Variants in CFAP74 observed in about 807,000 individuals in gnomAD.
CFAP74 encodes the protein cilia and flagella associated protein 74.
CFAP74 carries 124 observed loss-of-function variants against 188.9 expected under a neutral mutation model. The ratio of observed to expected loss-of-function variants is 0.66; its 90% CI spans 0.57 to 0.76. The LOEUF (loss-of-function observed/expected upper bound fraction) is 0.76. CFAP74 is among the 30% of genes least tolerant of loss of function. The pLI is 0.00. For synonymous variants in CFAP74, 956 were observed against 916.7 expected (o/e 1.04, Z -0.77); for missense variants, 2,198 against 2,165.2 (o/e 1.02, Z -0.30).
At chr1:1,945,309 T>C (rs1448859879) in intron 20 of CFAP74, among the ~76,000 whole-genome samples, 1 of 151,306 alleles carries the variant, frequency 6.6e-6, no homozygotes, top group East Asian at 1.9e-4. Context: ...CCTCAGGAGG[T>C]TAGAGAGTAT....
Position 1,930,232 on chromosome 1 carries a change from G to C in CFAP74, c.3116C>G (p.Ala1039Gly). Reference protein sequence around the residue: ...AATALYDTSVATVYVINSHLS... With the variant: ...AATALYDTSVGTVYVINSHLS... ...GTGAGAGTTGATGACGTACACTGTA[G>C]CCACGGAGGTGTCGTATAGGGCCGT... The change falls in exon 26 of 39, where the codon GCT (alanine) becomes GGT (glycine). Residue 1039 changes from alanine (A) to glycine (G), a missense_variant. Transcript: ENST00000682832. The C allele has an allele frequency of 6.5e-7, 1 of 1,535,748 alleles. No homozygotes were observed. The highest frequency in any genetic ancestry group is 8.7e-7 in the Non-Finnish European group (1 of 1,146,728).
intron 18 of CFAP74, among the ~76,000 whole-genome samples, chr1:1,951,351 C>T (rs28703641): frequency 0.024 from 3,582 of 152,300 alleles, 125 homozygotes; most frequent in African/African-American, 0.077. Context: ...GGACACAGAG[C>T]CAGACTATAT....
intron 1 of CFAP74, among the ~76,000 whole-genome samples, chr1:1,991,920 G>A (rs1657602143): frequency 6.6e-6 from 1 of 150,778 alleles, no homozygotes; most frequent in Non-Finnish European, 1.5e-5. Context: ...GGCGCCTGCG[G>A]TCCCAGCTAC....
intron 30 of CFAP74, 59 bp from the exon 31 acceptor site, chr1:1,926,571 AG>A: frequency 6.5e-7 from 1 of 1,547,038 alleles, no homozygotes; most frequent in South Asian, 1.2e-5. Flanking sequence ...CGTCTCTGCC[AG>A]GGGTGGGCCG....
chr1:1,948,092 C>T (rs981747363), intron 18 of CFAP74, among the ~76,000 whole-genome samples: 4 of 151,822 alleles, frequency 2.6e-5, no homozygotes, highest in African/African-American at 7.3e-5. Flanking sequence ...AGACTGGTCT[C>T]GAACTCCTGA....
At chr1:1,926,628 T>C in intron 30 of CFAP74, 24 bp downstream of exon 30, 1 of 1,546,746 alleles carries the variant, frequency 6.5e-7, no homozygotes, top group Non-Finnish European at 8.7e-7. Flanking sequence ...GGGGTGGAGG[T>C]GTGGGCGGGG....
intron 32 of CFAP74, 133 bp downstream of exon 32, chr1:1,926,095 G>T: frequency 1.4e-6 from 2 of 1,414,512 alleles, no homozygotes; most frequent in Non-Finnish European, 1.9e-6. Context: ...GAGGGCCTGG[G>T]GGCCAGGCTG....
intron 25 of CFAP74, among the ~76,000 whole-genome samples, chr1:1,933,762 TG>T (rs1312636207): frequency 6.6e-6 from 1 of 152,238 alleles, no homozygotes; most frequent in African/African-American, 2.4e-5. Context: ...TGTTGAATAT[TG>T]CATTTCTATT....
At chr1:1,978,562 C>G (rs28468541) in intron 6 of CFAP74, among the ~76,000 whole-genome samples, 46,334 of 151,976 alleles carry the variant, frequency 0.3, 7,315 homozygotes, top group Non-Finnish European at 0.34. Context: ...GGAGGCTGGA[C>G]AGATGGGACC....
intron 21 of CFAP74, among the ~76,000 whole-genome samples, chr1:1,943,671 T>C (rs1158441435): frequency 2.6e-5 from 4 of 152,356 alleles, no homozygotes; most frequent in Non-Finnish European, 1.5e-5. Flanking sequence ...CCTGCCTGTG[T>C]CCACGAGGGG....
In CFAP74 at chr1:1,928,868, C is replaced by T. The variant is rs1652129993; in HGVS notation, c.3303G>A (p.Gln1101=). The change falls in exon 27 of 39, where the codon CAG becomes CAA. Residue 1101 remains glutamine (Q), a synonymous_variant. Coordinates refer to ENST00000682832, the MANE Select transcript of CFAP74 (RefSeq NM_001304360.2). ...CGGGCAGCACTGGCCGGAAGGCCAC[C>T]TGGACCAGGCACCTCTGAGGAGAGA... ...TVWPGKRCLV[Q]VAFRPVLPEK... 1 of 1,535,498 alleles carries T rather than the reference C, an allele frequency of 6.5e-7. No homozygotes were observed. Among genetic ancestry groups the T allele is most frequent in the Non-Finnish European group, 8.7e-7 (1 of 1,146,562 alleles).
Position 1,942,159 on chromosome 1 carries a change from G to A in CFAP74, c.2487-3C>T. On this transcript the variant is annotated splice_polypyrimidine_tract_variant and splice_region_variant and intron_variant, in intron 21 of 38. Coordinates refer to ENST00000682832, the MANE Select transcript of CFAP74 (RefSeq NM_001304360.2). This position sits in a 1 kb window ranked among gnomAD's most constrained non-coding sequence, Gnocchi z 4.3. ...TCAGGCGCAGGGCAGCTTTCGACCT[G>A]TGGGCGTGTCGCAGGGCACTGGGTC... The A allele has an allele frequency of 1.3e-6, 2 of 1,506,302 alleles. No individual in the cohort carries two copies. The highest frequency in any genetic ancestry group is 2.5e-5 in the South Asian group (2 of 79,788). 93.3% of individuals were successfully genotyped at this position (1,506,302 alleles called of 1,614,324 possible).
chr1:1,983,147 C>T (rs996809286), intron 6 of CFAP74, among the ~76,000 whole-genome samples: 4 of 152,226 alleles, frequency 2.6e-5, no homozygotes, highest in South Asian at 4.1e-4. Flanking sequence ...GGAGGGGGAA[C>T]GCTCCCCTAA....
chr1:1,990,881 C>A lies in CFAP74; in HGVS notation c.67+9G>T. 1 of 1,609,272 alleles carries A rather than the reference C, an allele frequency of 6.2e-7. No homozygotes were observed. The highest frequency in any genetic ancestry group is 8.5e-7 in the Non-Finnish European group (1 of 1,177,790). On this transcript the variant is annotated intron_variant, in intron 2 of 38. Transcript: ENST00000682832. ...GAAACTTCCGTTACTGTGAAAGAAG[C>A]TTTATTACCATCTTCCAAAAGAAGG...
chr1:2,002,862 A>G (rs1450678404), intron 1 of CFAP74, among the ~76,000 whole-genome samples: 1 of 150,846 alleles, frequency 6.6e-6, no homozygotes, highest in Non-Finnish European at 1.5e-5. Flanking sequence ...GTGAAAGTTA[A>G]CTATATTGTT....
chr1:1,982,430 C>T (rs72894802), intron 6 of CFAP74, among the ~76,000 whole-genome samples: 59 of 152,348 alleles, frequency 3.9e-4, no homozygotes, highest in African/African-American at 1.3e-3. Flanking sequence ...GGGACAGACA[C>T]GGGGACACGC....
chr1:1,942,236 C>T lies in CFAP74; in HGVS notation c.2487-80G>A. 3 of 1,333,510 alleles carry T rather than the reference C, an allele frequency of 2.2e-6. No homozygotes were observed. The highest frequency in any genetic ancestry group is 2.9e-6 in the Non-Finnish European group (3 of 1,034,126). The allele number at this position is 1,333,510 out of a possible 1,614,324, so 82.6% of individuals were successfully genotyped here. On this transcript the variant is annotated intron_variant, in intron 21 of 38. Transcript: ENST00000682832. The surrounding 1 kb of genome is among the most constrained non-coding windows in gnomAD (Gnocchi z 4.3). ...CGCTCAATGCCTGGAGTTATTAAAA[C>T]ATTTCTGGCACCCAAGCCCCCGAGA...
chr1:1,951,636 T>C (rs901663939), intron 18 of CFAP74, among the ~76,000 whole-genome samples: 14 of 152,248 alleles, frequency 9.2e-5, no homozygotes, highest in African/African-American at 2.7e-4. Context: ...TGGTTTTCCA[T>C]ATAAACGTTA....
At chr1:1,965,093 T>C in intron 12 of CFAP74, 32 bp from the exon 13 acceptor site, 1 of 1,597,334 alleles carries the variant, frequency 6.3e-7, no homozygotes. Context: ...GCTGGGGCTG[T>C]TAGCGGCTCC....
Sources: gnomAD v4.1 joint callset for allele counts (sites outside exome capture counted in the v4.1 genomes callset) on GRCh38, gnomAD v4.1.1 for gene constraint, Gnocchi (gnomAD v3.1) non-coding constraint, MANE v1.5 for transcripts, NCBI Gene and HGNC (gene_info 2026-07-23, HGNC 2026-07-21) for gene names.